TAFA1: variants seen among roughly 807,000 people sequenced by gnomAD.
The protein encoded by TAFA1 is chemokine-like protein TAFA-1.
TAFA1 carries 4 observed loss-of-function variants against 18.5 expected under a neutral mutation model. That is an observed-to-expected ratio of 0.22 (90% confidence interval 0.11 to 0.49). The LOEUF (loss-of-function observed/expected upper bound fraction) is 0.49. Among genes scored for constraint, TAFA1 ranks in the 20% least tolerant of loss-of-function variants. The pLI is 0.98. For missense variants in TAFA1, 147 were observed against 169.0 expected (o/e 0.87, Z 0.72); for synonymous variants, 56 against 55.2 (o/e 1.01, Z -0.06).
In TAFA1 at chr3:68,197,251, T is replaced by A. The variant is rs2066420958; in HGVS notation, c.118+190507T>A. 2.0e-5 allele frequency among the ~76,000 whole-genome samples: 3 copies of A among 151,788 alleles called. No homozygotes were observed. In the South Asian group the frequency reaches 6.2e-4, roughly 31 times the overall value. On this transcript the variant is annotated intron_variant, in intron 2 of 4. Coordinates refer to ENST00000478136, the MANE Select transcript of TAFA1 (RefSeq NM_213609.4). ...TCTTTTATTTAGAATGATTTGCCCG[T>A]AAACAGAACATTTATACTGTGCTAA...
At chr3:68,416,623 A>G (rs1001249781) in intron 2 of TAFA1, among the ~76,000 whole-genome samples, 1 of 152,196 alleles carries the variant, frequency 6.6e-6, no homozygotes, top group Non-Finnish European at 1.5e-5. Context: ...AGTGACATAC[A>G]TTAGTTTGCC....
At chr3:68,298,156 C>A (rs186437477) in intron 2 of TAFA1, among the ~76,000 whole-genome samples, 5 of 152,288 alleles carry the variant, frequency 3.3e-5, no homozygotes, top group East Asian at 3.9e-4. Context: ...TGCCCTCAGT[C>A]CCTGATGAAC....
At chr3:68,319,492 C>G (rs926722677) in intron 2 of TAFA1, among the ~76,000 whole-genome samples, 1 of 152,174 alleles carries the variant, frequency 6.6e-6, no homozygotes, top group African/African-American at 2.4e-5. Context: ...CAATCCTCAT[C>G]CCCAGCGAAT....
chr3:68,068,868 G>A lies in TAFA1; in HGVS notation c.118+62124G>A, dbSNP rs146689448. On this transcript the variant is annotated intron_variant, in intron 2 of 4. Transcript: ENST00000478136. ...GAGCACGTATTATGTGAGAATTTGCGGACTAAGTCCCATACATGCATTATC... is the reference window on the plus strand; with the variant it reads ...GAGCACGTATTATGTGAGAATTTGCAGACTAAGTCCCATACATGCATTATC... 5.1e-3 allele frequency among the ~76,000 whole-genome samples: 779 copies of A among 152,186 alleles called. 4 individuals carry two copies. The highest frequency in any genetic ancestry group is 8.2e-3 in the Non-Finnish European group (557 of 67,996).
At chr3:68,120,996 A>T (rs868618384) in intron 2 of TAFA1, among the ~76,000 whole-genome samples, 1 of 152,230 alleles carries the variant, frequency 6.6e-6, no homozygotes, top group East Asian at 1.9e-4. Context: ...GGCCTAAATC[A>T]CAAATTCAAT....
intron 2 of TAFA1, among the ~76,000 whole-genome samples, chr3:68,045,977 G>A (rs763956938): frequency 6.6e-6 from 1 of 152,128 alleles, no homozygotes; most frequent in Non-Finnish European, 1.5e-5. Flanking sequence ...TTGGGAATTA[G>A]CTTAGTGACA....
At chr3:68,268,303 G>A (rs1013984188) in intron 2 of TAFA1, among the ~76,000 whole-genome samples, 1 of 152,050 alleles carries the variant, frequency 6.6e-6, no homozygotes, top group Admixed American at 6.6e-5. Context: ...CAGTTTAAAG[G>A]AGGAAAGACA....
At chr3:68,198,066 G>A (rs954792012) in intron 2 of TAFA1, among the ~76,000 whole-genome samples, 4 of 151,592 alleles carry the variant, frequency 2.6e-5, no homozygotes, top group Admixed American at 1.3e-4. Context: ...CGTTAAAAAT[G>A]AAAATCTCAA....
At chr3:68,355,645 A>G (rs1004270840) in intron 2 of TAFA1, among the ~76,000 whole-genome samples, 2 of 152,024 alleles carry the variant, frequency 1.3e-5, no homozygotes, top group Non-Finnish European at 2.9e-5. Context: ...GAACATGGTA[A>G]AGAGCACTAG....
At chr3:68,216,338 G>A (rs551267347) in intron 2 of TAFA1, among the ~76,000 whole-genome samples, 1 of 152,140 alleles carries the variant, frequency 6.6e-6, no homozygotes, top group East Asian at 1.9e-4. Flanking sequence ...AAGAACAGGG[G>A]AATCCCAGAT....
At chr3:68,501,028 G>A (rs919011547) in intron 3 of TAFA1, among the ~76,000 whole-genome samples, 11 of 151,678 alleles carry the variant, frequency 7.3e-5, no homozygotes, top group African/African-American at 1.7e-4. Context: ...GGTGGCAAGC[G>A]CCTATAGTCC....
intron 2 of TAFA1, among the ~76,000 whole-genome samples, chr3:68,055,912 G>A (rs2064531172): frequency 6.6e-6 from 1 of 152,136 alleles, no homozygotes; most frequent in Admixed American, 6.5e-5. Context: ...TGCAGAAGAT[G>A]AGAGTCTCTT....
chr3:68,449,115 C>G (rs781643402), intron 3 of TAFA1, among the ~76,000 whole-genome samples: 1 of 152,144 alleles, frequency 6.6e-6, no homozygotes, highest in Non-Finnish European at 1.5e-5. Flanking sequence ...ACAGATACAT[C>G]TCCACAAAAT....
chr3:68,419,135 C>G (rs1019358967), intron 3 of TAFA1, among the ~76,000 whole-genome samples: 2 of 152,124 alleles, frequency 1.3e-5, no homozygotes, highest in African/African-American at 4.8e-5. Flanking sequence ...AGTGAGTAAT[C>G]CAATAAAACA....
At chr3:68,423,493 T>C (rs945468700) in intron 3 of TAFA1, among the ~76,000 whole-genome samples, 3 of 152,096 alleles carry the variant, frequency 2.0e-5, no homozygotes, top group East Asian at 3.9e-4. Context: ...TCTTATAAGA[T>C]GCAAAATATC....
chr3:68,350,262 C>G (rs2069242102), intron 2 of TAFA1, among the ~76,000 whole-genome samples: 1 of 152,024 alleles, frequency 6.6e-6, no homozygotes, highest in Admixed American at 6.6e-5. Context: ...ATGTTCTGCA[C>G]AAATCCAAAG....
chr3:68,373,610 A>G (rs1020611529), intron 2 of TAFA1, among the ~76,000 whole-genome samples: 8 of 152,176 alleles, frequency 5.3e-5, no homozygotes, highest in Non-Finnish European at 1.0e-4. Context: ...CTTGGCAAAC[A>G]ATATCTTTTG....
intron 2 of TAFA1, among the ~76,000 whole-genome samples, chr3:68,389,196 T>C (rs1342841173): frequency 1.3e-5 from 2 of 152,198 alleles, no homozygotes; most frequent in African/African-American, 2.4e-5. Context: ...AACCATGACA[T>C]GCTTGGCCTT....
At chr3:68,184,121 G>A (rs1349241254) in intron 2 of TAFA1, among the ~76,000 whole-genome samples, 2 of 152,132 alleles carry the variant, frequency 1.3e-5, no homozygotes, top group African/African-American at 4.8e-5. Context: ...ATGCCTCAGA[G>A]AGGAACTGGA....
Sources: gnomAD v4.1 joint callset for allele counts (sites outside exome capture counted in the v4.1 genomes callset) on GRCh38, gnomAD v4.1.1 for gene constraint, MANE v1.5 for transcripts, NCBI Gene and HGNC (gene_info 2026-07-23, HGNC 2026-07-21) for gene names.